The following WWTR1 variants were observed in gnomAD, a reference collection of about 807,000 sequenced individuals.
WWTR1 encodes the protein WW domain containing transcription regulator 1.
WWTR1 carries 13 observed loss-of-function variants against 40.1 expected under a neutral mutation model. The observed-to-expected ratio is 0.32, with a 90% CI of 0.21 to 0.52. The LOEUF is 0.52. Ranked by LOEUF, WWTR1 falls within the 20% of genes least tolerant of loss-of-function variation. The pLI is 0.97. For synonymous variants in WWTR1, 230 were observed against 210.1 expected (o/e 1.09, Z -0.82); for missense variants, 436 against 523.1 (o/e 0.83, Z 1.63).
chr3:149,621,042 T>A (rs541461704), intron 2 of WWTR1, among the ~76,000 whole-genome samples: 39 of 152,234 alleles, frequency 2.6e-4, no homozygotes, highest in Non-Finnish European at 5.4e-4. Flanking sequence ...AACCACAGGT[T>A]CCTGAAAACA....
intron 3 of WWTR1, among the ~76,000 whole-genome samples, chr3:149,569,859 A>T (rs1737535561): frequency 6.6e-6 from 1 of 152,150 alleles, no homozygotes; most frequent in African/African-American, 2.4e-5. Flanking sequence ...AGTTTTTAAG[A>T]GTTGGGGGTC....
At chr3:149,533,134 C>T (rs1241114168) in intron 4 of WWTR1, among the ~76,000 whole-genome samples, 1 of 152,192 alleles carries the variant, frequency 6.6e-6, no homozygotes, top group Non-Finnish European at 1.5e-5. Flanking sequence ...CCCTCTGTGT[C>T]CACCCTGCCC....
Position 149,589,420 on chromosome 3 carries a change from T to C in WWTR1, c.432-16420A>G, listed in dbSNP as rs181677674. Among the ~76,000 whole-genome samples the C allele has an allele frequency of 3.3e-4, 50 of 152,312 alleles. 1 individual carries two copies. In the South Asian group the frequency reaches 5.6e-3, roughly 17 times the overall value. On this transcript the variant is annotated intron_variant, in intron 2 of 6. Coordinates refer to ENST00000360632, the MANE Select transcript of WWTR1 (RefSeq NM_015472.6). The stretch of plus-strand genomic sequence containing the variant: ...TTTTCATTTTTAACCCCCACGTTAA[T>C]CATATATTCACAACAAATAATGGTT...
At chr3:149,583,131 A>C (rs972583152) in intron 2 of WWTR1, among the ~76,000 whole-genome samples, 2 of 152,036 alleles carry the variant, frequency 1.3e-5, no homozygotes, top group Non-Finnish European at 2.9e-5. Context: ...ACACCTGACG[A>C]ATTTTTGTAT....
intron 4 of WWTR1, among the ~76,000 whole-genome samples, chr3:149,532,431 A>T (rs936763730): frequency 3.9e-5 from 6 of 152,202 alleles, no homozygotes; most frequent in African/African-American, 1.4e-4. Flanking sequence ...TAAGAAAACA[A>T]TTTTTTTTAA....
chr3:149,566,230 C>T (rs988220803), intron 3 of WWTR1, among the ~76,000 whole-genome samples: 15 of 151,770 alleles, frequency 9.9e-5, no homozygotes, highest in Non-Finnish European at 1.5e-4. Flanking sequence ...TTTTTTTAAT[C>T]AAGAAAATCA....
intron 2 of WWTR1, among the ~76,000 whole-genome samples, chr3:149,595,625 A>G (rs1738964637): frequency 6.6e-6 from 1 of 152,322 alleles, no homozygotes; most frequent in South Asian, 2.1e-4. Flanking sequence ...ATTTTATTAC[A>G]TAAAATGTGA....
chr3:149,654,146 T>A (rs7631097), intron 2 of WWTR1, among the ~76,000 whole-genome samples: 1 of 151,528 alleles, frequency 6.6e-6, no homozygotes, highest in African/African-American at 2.4e-5. Context: ...AAAATGTATC[T>A]GCTAGCCTCA....
At chr3:149,560,187 T>C (rs1157575324) in intron 3 of WWTR1, among the ~76,000 whole-genome samples, 1 of 152,190 alleles carries the variant, frequency 6.6e-6, no homozygotes, top group Non-Finnish European at 1.5e-5. Context: ...AATGCAAACA[T>C]ATGAAATAGG....
At chr3:149,658,794 A>C (rs933999540), upstream of WWTR1, 1 of 152,460 alleles carries the variant, frequency 6.6e-6, no homozygotes, top group African/African-American at 2.4e-5. Flanking sequence ...GAGATTGAGA[A>C]GAAAAAGCTG....
intron 4 of WWTR1, among the ~76,000 whole-genome samples, chr3:149,720,934 T>C (rs558917460): frequency 2.0e-5 from 3 of 152,232 alleles, no homozygotes; most frequent in Non-Finnish European, 4.4e-5. Flanking sequence ...TGTTTGTGTA[T>C]ATAAATGCGA....
At chr3:149,607,459 C>T (rs1165672123) in intron 2 of WWTR1, among the ~76,000 whole-genome samples, 1 of 152,104 alleles carries the variant, frequency 6.6e-6, no homozygotes, top group African/African-American at 2.4e-5. Context: ...GGACTACAGG[C>T]ACACGCCGCA....
intron 2 of WWTR1, among the ~76,000 whole-genome samples, chr3:149,601,580 C>T (rs1739242822): frequency 6.6e-6 from 1 of 152,158 alleles, no homozygotes; most frequent in South Asian, 2.1e-4. Context: ...CAAGGTCAAT[C>T]CCCTTGGGAA....
chr3:149,615,289 CT>C (rs1002794373), intron 2 of WWTR1, among the ~76,000 whole-genome samples: 1 of 152,138 alleles, frequency 6.6e-6, no homozygotes. Flanking sequence ...AGGATTTCTT[CT>C]TTGGTCACTG....
intron 4 of WWTR1, among the ~76,000 whole-genome samples, chr3:149,530,548 T>A (rs1238106148): frequency 1.3e-5 from 2 of 151,748 alleles, no homozygotes; most frequent in African/African-American, 4.8e-5. Context: ...TTCTAAACTT[T>A]CCTATTAATT....
chr3:149,674,058 A>AAAAAAAAAAAAAAG, intron 1 of WWTR1, among the ~76,000 whole-genome samples: 1 of 150,092 alleles, frequency 6.7e-6, no homozygotes, highest in East Asian at 1.9e-4. Context: ...CGTCTCTACA[A>AAAAAAAAAAAAAAG]AAAAAAAAAA....
chr3:149,553,470 C>A (rs1482843391), intron 3 of WWTR1, among the ~76,000 whole-genome samples: 1 of 151,974 alleles, frequency 6.6e-6, no homozygotes, highest in African/African-American at 2.4e-5. Context: ...ATTTGTGTGA[C>A]CTCACTTTAT....
chr3:149,536,488 G>GC (rs1735841720), intron 4 of WWTR1, among the ~76,000 whole-genome samples: 1 of 151,880 alleles, frequency 6.6e-6, no homozygotes, highest in Non-Finnish European at 1.5e-5. Flanking sequence ...AAAAAGGGGG[G>GC]GGCCTCAGAA....
At chr3:149,655,127 AAAAGAAAG>A (rs202179151) in intron 2 of WWTR1, among the ~76,000 whole-genome samples, 9 of 147,396 alleles carry the variant, frequency 6.1e-5, no homozygotes, top group Admixed American at 1.4e-4. Flanking sequence ...CTCCATCTAA[AAAAGAAAG>A]AAAGAAAGAA....
Sources: gnomAD v4.1 joint callset for allele counts (sites outside exome capture counted in the v4.1 genomes callset) on GRCh38, gnomAD v4.1.1 for gene constraint, MANE v1.5 for transcripts, NCBI Gene and HGNC (gene_info 2026-07-23, HGNC 2026-07-21) for gene names.